The following CNTNAP2 variants were observed in gnomAD, a reference collection of about 807,000 sequenced individuals.
CNTNAP2 encodes contactin associated protein 2, also known as contactin-associated protein-like 2.
In CNTNAP2, 98 loss-of-function variants were observed where a neutral mutation model predicts 155.2. That is an observed-to-expected ratio of 0.63 (90% CI 0.54 to 0.75). The LOEUF (loss-of-function observed/expected upper bound fraction) is 0.75. Ranked by LOEUF, CNTNAP2 falls within the 30% of genes least tolerant of loss-of-function variation. CNTNAP2 has a pLI of 0.00. For synonymous variants in CNTNAP2, 651 were observed against 631.2 expected (o/e 1.03, Z -0.47); for missense variants, 1,727 against 1,688.1 (o/e 1.02, Z -0.40).
At chr7:148,000,948 G>A (rs11976838) in intron 15 of CNTNAP2, among the ~76,000 whole-genome samples, 9,905 of 152,214 alleles carry the variant, frequency 0.065, 730 homozygotes, top group African/African-American at 0.18. Context: ...GGGGGCTCAC[G>A]GCAGCCCTTG....
intron 21 of CNTNAP2, among the ~76,000 whole-genome samples, chr7:148,368,904 A>C (rs1798834144): frequency 6.6e-6 from 1 of 152,180 alleles, no homozygotes; most frequent in Non-Finnish European, 1.5e-5. Context: ...CAGGGGTCGA[A>C]TTTTAACTAC....
chr7:147,545,457 C>A (rs1322001184), intron 11 of CNTNAP2, among the ~76,000 whole-genome samples: 5 of 152,216 alleles, frequency 3.3e-5, no homozygotes, highest in African/African-American at 9.6e-5. Context: ...CTATTGCAAT[C>A]TAACAAGCCT....
At chr7:148,259,191 A>AAAG (rs1796511212) in intron 20 of CNTNAP2, among the ~76,000 whole-genome samples, 1 of 143,282 alleles carries the variant, frequency 7.0e-6, no homozygotes, top group Non-Finnish European at 1.5e-5. Flanking sequence ...AAAAAAAAAA[A>AAAG]AAAAAAAAAA....
chr7:146,412,272 C>A (rs568046852), intron 1 of CNTNAP2, among the ~76,000 whole-genome samples: 1 of 152,330 alleles, frequency 6.6e-6, no homozygotes, highest in South Asian at 2.1e-4. Flanking sequence ...CGCTTCACAG[C>A]CGCAATGCTC....
At chr7:148,046,846 T>C (rs1191957678) in intron 15 of CNTNAP2, among the ~76,000 whole-genome samples, 1 of 152,230 alleles carries the variant, frequency 6.6e-6, no homozygotes, top group African/African-American at 2.4e-5. Context: ...AGAATGTTCT[T>C]CAATTTTTCA....
intron 14 of CNTNAP2, among the ~76,000 whole-genome samples, chr7:147,953,492 A>G (rs890139395): frequency 1.6e-4 from 25 of 152,296 alleles, no homozygotes; most frequent in African/African-American, 5.5e-4. Context: ...TATGTCACAA[A>G]CCTGCATGTC....
At chr7:146,341,757 A>G (rs969568825) in intron 1 of CNTNAP2, among the ~76,000 whole-genome samples, 1 of 152,160 alleles carries the variant, frequency 6.6e-6, no homozygotes, top group African/African-American at 2.4e-5. Context: ...AAAAGAACAC[A>G]AAGACAGGTT....
rs148486877 is a variant in CNTNAP2, at chr7:148,328,696, G to A, written c.3476-54953G>A. ...CTAGAAAGACCCAAACAAGCTGGGC[G>A]CGGTGGCTCACACCTGTAATCCCAG... On this transcript the variant is annotated intron_variant, in intron 21 of 23. Transcript: ENST00000361727. 3.7e-3 allele frequency among the ~76,000 whole-genome samples: 561 copies of A among 152,108 alleles called. 3 individuals carry two copies. Among genetic ancestry groups the A allele is most frequent in the African/African-American group, 0.013 (531 of 41,488 alleles).
chr7:147,454,324 C>G (rs1463705754), intron 10 of CNTNAP2, among the ~76,000 whole-genome samples: 1 of 152,054 alleles, frequency 6.6e-6, no homozygotes, highest in Non-Finnish European at 1.5e-5. Flanking sequence ...TTTAAGTAAA[C>G]TATGTGTTCA....
chr7:148,346,799 T>G (rs931850213), intron 21 of CNTNAP2, among the ~76,000 whole-genome samples: 3 of 136,260 alleles, frequency 2.2e-5, no homozygotes, highest in African/African-American at 8.3e-5. Flanking sequence ...AAAAAAAAAA[T>G]TAATGGTTAA....
intron 12 of CNTNAP2, among the ~76,000 whole-genome samples, chr7:147,605,646 C>A (rs1018978517): frequency 6.6e-6 from 1 of 152,156 alleles, no homozygotes; most frequent in Middle Eastern, 3.4e-3. Context: ...CCCAGAGAGA[C>A]AATTCATGAC....
intron 9 of CNTNAP2, among the ~76,000 whole-genome samples, chr7:147,350,900 AC>A: frequency 1.3e-5 from 2 of 151,982 alleles, no homozygotes; most frequent in Middle Eastern, 6.8e-3. Context: ...ATTGACCAAT[AC>A]CTATAAGTCC....
chr7:148,080,324 G>A (rs886064715), intron 15 of CNTNAP2, among the ~76,000 whole-genome samples: 8 of 152,192 alleles, frequency 5.3e-5, no homozygotes, highest in East Asian at 3.9e-4. Context: ...CTGATAAAGC[G>A]GCCGGGCACG....
intron 15 of CNTNAP2, among the ~76,000 whole-genome samples, chr7:148,046,849 A>G (rs961681428): frequency 1.3e-5 from 2 of 152,170 alleles, no homozygotes; most frequent in African/African-American, 2.4e-5. Flanking sequence ...ATGTTCTTCA[A>G]TTTTTCATTT....
chr7:146,680,836 G>C (rs999007514), intron 1 of CNTNAP2, among the ~76,000 whole-genome samples: 2 of 152,166 alleles, frequency 1.3e-5, no homozygotes, highest in Non-Finnish European at 1.5e-5. Flanking sequence ...GCCTGTAAGT[G>C]ACACAAGCAA....
At chr7:146,170,018 CTTTTTT>C (rs71175637) in intron 1 of CNTNAP2, among the ~76,000 whole-genome samples, 1 of 126,970 alleles carries the variant, frequency 7.9e-6, no homozygotes, top group African/African-American at 2.9e-5. Context: ...CCTTTCTTTT[CTTTTTT>C]TTTTTTTTTT....
chr7:147,668,406 C>T (rs1795734568), intron 13 of CNTNAP2, among the ~76,000 whole-genome samples: 1 of 152,038 alleles, frequency 6.6e-6, no homozygotes, highest in Non-Finnish European at 1.5e-5. Flanking sequence ...TTAAAAAGAG[C>T]CTTAAGCAGG....
chr7:146,450,561 A>C (rs968935511), intron 1 of CNTNAP2, among the ~76,000 whole-genome samples: 26 of 152,220 alleles, frequency 1.7e-4, no homozygotes, highest in Admixed American at 5.9e-4. Context: ...TTCTAAGAGC[A>C]TACAAAAATG....
At chr7:147,196,373 T>C (rs948779565) in intron 8 of CNTNAP2, among the ~76,000 whole-genome samples, 2 of 152,232 alleles carry the variant, frequency 1.3e-5, no homozygotes, top group African/African-American at 4.8e-5. Flanking sequence ...AAATGTGTGC[T>C]GAATTTGCTA....
Sources: gnomAD v4.1 joint callset for allele counts (sites outside exome capture counted in the v4.1 genomes callset) on GRCh38, gnomAD v4.1.1 for gene constraint, MANE v1.5 for transcripts, NCBI Gene and HGNC (gene_info 2026-07-23, HGNC 2026-07-21) for gene names.